The following ADAM23 variants were observed in gnomAD, a reference collection of about 807,000 sequenced individuals.
ADAM23 encodes the protein disintegrin and metalloproteinase domain-containing protein 23.
ADAM23 carries 33 observed loss-of-function variants against 120.1 expected under a neutral mutation model. The ratio of observed to expected loss-of-function variants is 0.27; its 90% CI spans 0.21 to 0.37. The LOEUF is 0.37. Ranked by LOEUF, ADAM23 falls within the 10% of genes least tolerant of loss-of-function variation. The pLI, the probability that ADAM23 is intolerant of heterozygous loss-of-function variation, is 1.00. For synonymous variants in ADAM23, 367 were observed against 375.2 expected, an observed-to-expected ratio of 0.98 and a Z score of 0.25; for missense variants, 862 against 1,058.2, an observed-to-expected ratio of 0.81 and a Z score of 2.57.
In ADAM23 at chr2:206,560,121, A is replaced by G; in HGVS notation, c.1169+3A>G. On this transcript the variant is annotated splice_donor_region_variant and intron_variant, in intron 11 of 25. Transcript: ENST00000264377. ...GCTGATGCTGTGCACCTCATCTCGT[A>G]CGTACTCATTTCAGCCTTTAGTGTA... 1.9e-6 allele frequency: 3 copies of G among 1,612,204 alleles called. No individual in the cohort carries two copies. Among genetic ancestry groups the G allele is most frequent in the Non-Finnish European group, 2.5e-6 (3 of 1,178,910 alleles).
intron 24 of ADAM23, chr2:206,606,957 A>G (rs1698740319): frequency 1.3e-5 from 2 of 152,290 alleles, no homozygotes; most frequent in South Asian, 4.1e-4. Flanking sequence ...TATTGTGAAT[A>G]TCAGATATGT....
chr2:206,613,961 T>G (rs1380801935), intron 25 of ADAM23, among the ~76,000 whole-genome samples: 1 of 152,120 alleles, frequency 6.6e-6, no homozygotes, highest in Non-Finnish European at 1.5e-5. Context: ...GTGACATGGT[T>G]TGTTGAAAAT....
intron 2 of ADAM23, among the ~76,000 whole-genome samples, chr2:206,449,613 T>TA: frequency 6.6e-6 from 1 of 152,110 alleles, no homozygotes; most frequent in East Asian, 1.9e-4. Context: ...ACTAAAAAAA[T>TA]ACAAAAATTA....
At chr2:206,575,454 A>T (rs1698093254) in intron 18 of ADAM23, among the ~76,000 whole-genome samples, 1 of 152,136 alleles carries the variant, frequency 6.6e-6, no homozygotes, top group Non-Finnish European at 1.5e-5. Context: ...TTGGCAGTTT[A>T]TTATTAGTAG....
At chr2:206,542,724 T>C (rs1402246192) in intron 5 of ADAM23, among the ~76,000 whole-genome samples, 1 of 152,188 alleles carries the variant, frequency 6.6e-6, no homozygotes, top group East Asian at 1.9e-4. Context: ...TCCCTGAAAA[T>C]TAAATGTAAT....
intron 3 of ADAM23, among the ~76,000 whole-genome samples, chr2:206,505,046 C>T (rs886861604): frequency 6.6e-6 from 1 of 152,120 alleles, no homozygotes; most frequent in Non-Finnish European, 1.5e-5. Flanking sequence ...ATAAGACTTC[C>T]TCTCCTGACT....
At chr2:206,514,877 G>A (rs186541567) in intron 3 of ADAM23, among the ~76,000 whole-genome samples, 202 of 152,312 alleles carry the variant, frequency 1.3e-3, no homozygotes, top group African/African-American at 4.6e-3. Context: ...GTGATCATTA[G>A]CGTTTTTTAG....
chr2:206,568,828 T>TA (rs146042969), intron 15 of ADAM23, among the ~76,000 whole-genome samples: 148 of 152,308 alleles, frequency 9.7e-4, no homozygotes, highest in Non-Finnish European at 1.4e-3. Context: ...TTTAAATCAG[T>TA]AACTAATGTG....
At chr2:206,451,999 G>A (rs1474461705) in intron 2 of ADAM23, among the ~76,000 whole-genome samples, 1 of 152,208 alleles carries the variant, frequency 6.6e-6, no homozygotes, top group Non-Finnish European at 1.5e-5. Flanking sequence ...GCTTGCAGAA[G>A]ATAAAAAGGC....
At chr2:206,588,211 C>G in intron 20 of ADAM23, 57 bp downstream of exon 20, 1 of 1,566,016 alleles carries the variant, frequency 6.4e-7, no homozygotes, top group Admixed American at 1.7e-5. Flanking sequence ...TAATAGTGTT[C>G]TTCTCTGCCA....
intron 2 of ADAM23, among the ~76,000 whole-genome samples, chr2:206,449,584 A>G (rs1178542873): frequency 6.6e-6 from 1 of 152,180 alleles, no homozygotes; most frequent in Non-Finnish European, 1.5e-5. Flanking sequence ...CCTGGTCAAT[A>G]TGGTGAAACC....
At chr2:206,485,705 T>G (rs1327824033) in intron 3 of ADAM23, among the ~76,000 whole-genome samples, 4 of 152,224 alleles carry the variant, frequency 2.6e-5, no homozygotes, top group Non-Finnish European at 5.9e-5. Flanking sequence ...CTGATGTTGC[T>G]GAGAATAAGA....
chr2:206,559,836 ATTATGACCCCGTG>A (rs1697724014), intron 10 of ADAM23, 106 bp from the exon 11 acceptor site: 2 of 805,672 alleles, frequency 2.5e-6, no homozygotes, highest in Admixed American at 2.8e-5. Flanking sequence ...TAATGGGCTA[ATTATGACCCCGTG>A]TTCTCTCACC....
chr2:206,583,703 C>T (rs536355930), intron 18 of ADAM23, among the ~76,000 whole-genome samples: 3 of 152,126 alleles, frequency 2.0e-5, no homozygotes, highest in South Asian at 4.2e-4. Context: ...CCAAAGTTTC[C>T]TGAATTTTTG....
At chr2:206,522,437 C>T (rs1457540885) in intron 3 of ADAM23, among the ~76,000 whole-genome samples, 1 of 151,572 alleles carries the variant, frequency 6.6e-6, no homozygotes, top group Non-Finnish European at 1.5e-5. Context: ...AACAGATGTG[C>T]AGTTTTTCTG....
intron 2 of ADAM23, among the ~76,000 whole-genome samples, chr2:206,456,685 C>CATTAAAAAAAAAATCTTAG (rs1368240138): frequency 2.6e-5 from 4 of 151,848 alleles, no homozygotes; most frequent in African/African-American, 4.8e-5. Context: ...CATCCTGCCA[C>CATTAAAAAAAAAATCTTAG]ATTAAAAAAA....
At chr2:206,594,057 T>A (rs1334971284) in intron 22 of ADAM23, among the ~76,000 whole-genome samples, 4 of 151,864 alleles carry the variant, frequency 2.6e-5, no homozygotes, top group Admixed American at 6.6e-5. Flanking sequence ...TACAGTATAA[T>A]ATGCTATACA....
chr2:206,604,055 A>G (rs1394079656), intron 24 of ADAM23, among the ~76,000 whole-genome samples: 1 of 152,122 alleles, frequency 6.6e-6, no homozygotes, highest in Admixed American at 6.5e-5. Context: ...CCACGAGGTC[A>G]GGAGTTCGAG....
intron 4 of ADAM23, among the ~76,000 whole-genome samples, chr2:206,540,615 A>T (rs967470390): frequency 1.5e-4 from 23 of 152,306 alleles, no homozygotes; most frequent in African/African-American, 5.3e-4. Context: ...TGGAAAGTGG[A>T]TGAGGAGTGA....
Sources: allele counts gnomAD v4.1 joint callset (sites outside exome capture counted in the v4.1 genomes callset), GRCh38; gene constraint gnomAD v4.1.1; transcripts MANE v1.5; gene names NCBI Gene and HGNC (gene_info 2026-07-23, HGNC 2026-07-21).